Variants in RASA2 observed in about 807,000 individuals in gnomAD.
RASA2 encodes ras GTPase-activating protein 2.
Under a neutral mutation model 118.2 loss-of-function variants are expected in RASA2, and 155 were observed. The observed-to-expected ratio is 1.31, with a 90% CI of 1.15 to 1.50. RASA2 has a LOEUF of 1.50. Ranked by LOEUF, RASA2 falls within the 40% of genes most tolerant of loss-of-function variation. The pLI is 0.00. For synonymous variants in RASA2, 353 were observed against 349.1 expected (o/e 1.01, Z -0.12); for missense variants, 1,016 against 1,009.6 (o/e 1.01, Z -0.09).
At chr3:141,541,220 T>G (rs981166090) in intron 5 of RASA2, among the ~76,000 whole-genome samples, 1 of 152,170 alleles carries the variant, frequency 6.6e-6, no homozygotes, top group East Asian at 1.9e-4. Flanking sequence ...CATCTGAATA[T>G]CCCACAAAGT....
intron 3 of RASA2, among the ~76,000 whole-genome samples, chr3:141,518,873 A>G (rs1300461802): frequency 6.6e-6 from 1 of 152,052 alleles, no homozygotes. Flanking sequence ...TTTCCTTTTC[A>G]ATTAATACCA....
At position 141,549,434 on chromosome 3, in the gene RASA2, G is replaced by C. The variant is rs1577719177; in HGVS notation, c.528-4423G>C. Among the ~76,000 whole-genome samples the C allele has an allele frequency of 3.3e-5, 5 of 151,886 alleles. No individual in the cohort carries two copies. The East Asian group carries it at 9.7e-4, about 29-fold the overall frequency. ...ATTCCTCTGCTCTCCTTTGAAGGCA[G>C]ACTTCTCTAGGGAAAAATAGTGGTA... On this transcript the variant is annotated intron_variant, in intron 5 of 23. Coordinates refer to ENST00000286364, the MANE Select transcript of RASA2 (RefSeq NM_006506.5).
chr3:141,611,810 C>T (rs531886463), intron 23 of RASA2, among the ~76,000 whole-genome samples: 14 of 152,182 alleles, frequency 9.2e-5, no homozygotes, highest in African/African-American at 3.1e-4. Context: ...GCATCCTAAT[C>T]CTGTCTTTTC....
At chr3:141,594,316 G>A (rs1198505176) in intron 19 of RASA2, among the ~76,000 whole-genome samples, 1 of 151,706 alleles carries the variant, frequency 6.6e-6, no homozygotes, top group African/African-American at 2.4e-5. Context: ...CATATGCATG[G>A]TTGGTGTCCT....
At chr3:141,568,592 T>C (rs2082862871) in intron 9 of RASA2, among the ~76,000 whole-genome samples, 1 of 152,036 alleles carries the variant, frequency 6.6e-6, no homozygotes, top group Non-Finnish European at 1.5e-5. Flanking sequence ...TGCATCGTTA[T>C]CTATTTGTCT....
chr3:141,538,527 A>G (rs1432898065), intron 4 of RASA2, among the ~76,000 whole-genome samples: 5 of 152,154 alleles, frequency 3.3e-5, no homozygotes, highest in Admixed American at 3.3e-4. Flanking sequence ...TATAGTATGT[A>G]CCCTATTTTG....
chr3:141,573,985 T>C lies in RASA2; in HGVS notation c.1401T>C (p.Ile467=). The C allele has an allele frequency of 6.3e-7, 1 of 1,591,940 alleles. No individual in the cohort carries two copies. Among genetic ancestry groups the C allele is most frequent in the Non-Finnish European group, 8.6e-7 (1 of 1,164,874 alleles). The change falls in exon 14 of 24, where the codon ATT becomes ATC. Residue 467 remains isoleucine, a synonymous_variant. Transcript: ENST00000286364. ...RYYVDKLFNT[I]VKSSMSCPTV... ...ATGTAGACAAGTTATTCAATACAAT[T>C]GTAAAATCAAGTATGAGCTGCCCCA...
chr3:141,559,026 C>G (rs1297790021), intron 8 of RASA2, 64 bp downstream of exon 8: 2 of 1,384,444 alleles, frequency 1.4e-6, no homozygotes, highest in Non-Finnish European at 2.0e-6. Flanking sequence ...CTAGATTCAA[C>G]CAAAAAAAGT....
At chr3:141,611,700 A>T (rs1262614917) in intron 23 of RASA2, among the ~76,000 whole-genome samples, 2 of 152,174 alleles carry the variant, frequency 1.3e-5, no homozygotes, top group Non-Finnish European at 1.5e-5. Flanking sequence ...TGAATTAATA[A>T]TTATATTTTT....
chr3:141,508,575 C>T (rs1414656646), intron 1 of RASA2, among the ~76,000 whole-genome samples: 3 of 152,038 alleles, frequency 2.0e-5, no homozygotes, highest in Non-Finnish European at 4.4e-5. Context: ...GATGAGATCT[C>T]ACCATGTTGC....
intron 14 of RASA2, among the ~76,000 whole-genome samples, chr3:141,576,028 C>T (rs1299492652): frequency 6.6e-6 from 1 of 152,162 alleles, no homozygotes; most frequent in African/African-American, 2.4e-5. Flanking sequence ...CCACCTGCCT[C>T]GGCCTCCCAA....
In RASA2 at chr3:141,612,388, T is replaced by C. The variant is rs1457632629; in HGVS notation, c.*75T>C. 4.0e-6 allele frequency: 5 copies of C among 1,252,698 alleles called. No homozygotes were observed. The highest frequency in any genetic ancestry group is 5.6e-6 in the Non-Finnish European group (5 of 888,518). 77.6% of individuals were successfully genotyped at this position (1,252,698 alleles called of 1,614,324 possible). A position where few individuals can be genotyped will look rare whatever the true frequency, so the allele number is the denominator to read the frequency against. Reference sequence around the variant, plus strand: ...GCTTTTCAATTCATCATGTATTTTGTTCATGGTATTTAAGAATGAGCATCC... The same window carrying C: ...GCTTTTCAATTCATCATGTATTTTGCTCATGGTATTTAAGAATGAGCATCC... On this transcript the variant is annotated 3_prime_UTR_variant, in exon 24 of 24. Transcript: ENST00000286364.
chr3:141,586,748 G>T lies in RASA2; in HGVS notation c.1929G>T (p.Gln643His), dbSNP rs781360430. The change falls in exon 19 of 24, where the codon CAG becomes CAT. Residue 643 changes from glutamine (Q) to histidine (H), a missense_variant. Coordinates refer to ENST00000286364, the MANE Select transcript of RASA2 (RefSeq NM_006506.5). ...GCAGAGAGCTCACCTACCACAAACA[G>T]CCAGGTAGTTGTGTTTATGCTTTAT... ...LTSRELTYHK[Q>H]PGKDAIYTIP... is the part of the protein sequence containing the mutation. 1.2e-6 allele frequency: 2 copies of T among 1,608,224 alleles called. No individual in the cohort carries two copies. The highest frequency in any genetic ancestry group is 2.2e-5 in the South Asian group (2 of 90,890).
intron 4 of RASA2, among the ~76,000 whole-genome samples, chr3:141,535,317 G>A (rs2082312486): frequency 6.6e-6 from 1 of 152,086 alleles, no homozygotes; most frequent in East Asian, 1.9e-4. Flanking sequence ...TATTGAAGTG[G>A]TCTGGACCCT....
chr3:141,542,906 T>A (rs982163331), intron 5 of RASA2, among the ~76,000 whole-genome samples: 5 of 152,188 alleles, frequency 3.3e-5, no homozygotes, highest in Non-Finnish European at 5.9e-5. Context: ...TGGCTTTTTT[T>A]ACTCAGATCT....
chr3:141,560,393 T>A (rs919740951), intron 9 of RASA2, among the ~76,000 whole-genome samples: 1 of 152,178 alleles, frequency 6.6e-6, no homozygotes, highest in Non-Finnish European at 1.5e-5. Flanking sequence ...GGATTTTATT[T>A]AGGGGACTCA....
intron 1 of RASA2, among the ~76,000 whole-genome samples, chr3:141,491,091 G>A (rs186388328): frequency 1.1e-3 from 175 of 152,280 alleles, no homozygotes; most frequent in African/African-American, 4.0e-3. Flanking sequence ...TTCTTTAAAC[G>A]TTGTTAATTA....
chr3:141,514,521 A>G (rs1358870069), intron 2 of RASA2, among the ~76,000 whole-genome samples: 1 of 152,184 alleles, frequency 6.6e-6, no homozygotes, highest in African/African-American at 2.4e-5. Flanking sequence ...ATCATGTTAC[A>G]TTCACTAGAA....
Position 141,612,414 on chromosome 3 carries a change from G to T in RASA2, c.*101G>T. ...TCATGGTATTTAAGAATGAGCATCC[G>T]CTTCAATGTCATCTGCCTCCACATT... On this transcript the variant is annotated 3_prime_UTR_variant, in exon 24 of 24. Transcript: ENST00000286364. 2 of 904,144 alleles carry T rather than the reference G, an allele frequency of 2.2e-6. No individual in the cohort carries two copies. Among genetic ancestry groups the T allele is most frequent in the Non-Finnish European group, 3.4e-6 (2 of 593,618 alleles). The allele number at this position is 904,144 out of a possible 1,614,324, so 56.0% of individuals were successfully genotyped here. A position where few individuals can be genotyped will look rare whatever the true frequency, so the allele number is the denominator to read the frequency against.
Sources: gnomAD v4.1 joint callset for allele counts (sites outside exome capture counted in the v4.1 genomes callset) on GRCh38, gnomAD v4.1.1 for gene constraint, MANE v1.5 for transcripts, NCBI Gene and HGNC (gene_info 2026-07-23, HGNC 2026-07-21) for gene names.